BAIAP2: variants seen among roughly 807,000 people sequenced by gnomAD.
BAIAP2 encodes the protein BAR/IMD domain-containing adapter protein 2.
A neutral mutation model predicts 63.0 loss-of-function variants in BAIAP2; 18 were observed. That is an observed-to-expected ratio of 0.29 (90% CI 0.20 to 0.42). The LOEUF (loss-of-function observed/expected upper bound fraction) is 0.42, where lower values mean the gene tolerates loss of function less well. BAIAP2 is among the 10% of genes least tolerant of loss of function. The probability of loss-of-function intolerance (pLI) is 1.00; values close to 1 mark genes in which losing one functional copy is unlikely to be tolerated. For synonymous variants in BAIAP2, 386 were observed against 307.6 expected (o/e 1.25, Z -2.67); for missense variants, 610 against 734.3 (o/e 0.83, Z 1.96).
chr17:81,089,851 T>A (rs1376296049), intron 6 of BAIAP2, among the ~76,000 whole-genome samples: 3 of 151,836 alleles, frequency 2.0e-5, no homozygotes, highest in African/African-American at 7.3e-5. Flanking sequence ...TAGGTGGAGG[T>A]TGCAGTGGGT....
chr17:81,061,939 A>G (rs758195423), intron 3 of BAIAP2, among the ~76,000 whole-genome samples: 4 of 151,960 alleles, frequency 2.6e-5, no homozygotes, highest in Non-Finnish European at 5.9e-5. Context: ...TCCTTTTTGT[A>G]ATAGTGGTTT....
intron 1 of BAIAP2, chr17:81,036,922 A>C: frequency 6.5e-7 from 1 of 1,535,850 alleles, no homozygotes; most frequent in Middle Eastern, 1.7e-4. Flanking sequence ...CTGCGCTGAA[A>C]CCAGAAAGCA....
intron 7 of BAIAP2, among the ~76,000 whole-genome samples, chr17:81,102,485 A>G (rs1405336760): frequency 6.6e-6 from 1 of 152,022 alleles, no homozygotes; most frequent in Non-Finnish European, 1.5e-5. Context: ...CAGCTCTGTT[A>G]CTGCAATGTG....
At chr17:81,075,134 C>T (rs1225845705) in intron 3 of BAIAP2, among the ~76,000 whole-genome samples, 6 of 152,226 alleles carry the variant, frequency 3.9e-5, no homozygotes, top group Non-Finnish European at 1.5e-5. Flanking sequence ...ACAGAGCTGT[C>T]TCCAGCCACA....
intron 6 of BAIAP2, among the ~76,000 whole-genome samples, chr17:81,091,250 C>A (rs972258981): frequency 1.4e-4 from 20 of 147,262 alleles, no homozygotes; most frequent in African/African-American, 2.7e-4. Flanking sequence ...GCTTGCCTCG[C>A]GGGGTCTACT....
In BAIAP2 at chr17:81,117,177, GGAGAGGA is replaced by G. The variant is rs746769787; in HGVS notation, c.*1342_*1348del. ...CGGGGTGTGCCGAGGACAGTGGGGA[GGAGAGGA>G]GAGGGGCAGCTTCCTCCTGGCCCCA... On this transcript the variant is annotated 3_prime_UTR_variant, in exon 14 of 14. Transcript: ENST00000428708. 6 of 152,326 alleles carry G rather than the reference GGAGAGGA, an allele frequency of 3.9e-5. No homozygotes were observed. Among genetic ancestry groups the G allele is most frequent in the Admixed American group, 6.5e-5 (1 of 15,306 alleles). The allele number at this position is 152,326 out of a possible 1,614,324, so 9.4% of individuals were successfully genotyped here. A position where few individuals can be genotyped will look rare whatever the true frequency, so the allele number is the denominator to read the frequency against.
chr17:81,065,168 C>G (rs953324377), intron 3 of BAIAP2, among the ~76,000 whole-genome samples: 1 of 152,210 alleles, frequency 6.6e-6, no homozygotes, highest in Admixed American at 6.5e-5. Flanking sequence ...ACTGGAGTGG[C>G]CGGCTGGATC....
At chr17:81,076,464 G>A (rs2053678050) in intron 3 of BAIAP2, 1 of 152,200 alleles carries the variant, frequency 6.6e-6, no homozygotes. Context: ...GGCTGTGCTT[G>A]CCAGGAGACA....
In BAIAP2 at chr17:81,094,827, C is replaced by T. The variant is rs34479600; in HGVS notation, c.490-5101C>T. Among the ~76,000 whole-genome samples the T allele has an allele frequency of 3.7e-3, 563 of 152,336 alleles. 2 individuals are homozygous for T. The highest frequency in any genetic ancestry group is 5.4e-3 in the Non-Finnish European group (368 of 68,036). Reference sequence around the variant, plus strand: ...TGACCGGTCCGCAGCCGCATCCTTTCGAGTAAGTGTTACCCATGGTGACAG... The same window carrying T: ...TGACCGGTCCGCAGCCGCATCCTTTTGAGTAAGTGTTACCCATGGTGACAG... On this transcript the variant is annotated intron_variant, in intron 6 of 13. Transcript: ENST00000428708.
chr17:81,110,118 CCGCT>C, intron 13 of BAIAP2: 1 of 985,484 alleles, frequency 1.0e-6, no homozygotes, highest in Non-Finnish European at 1.2e-6. Context: ...CTCAGCCTGC[CCGCT>C]GGTGGGAGCC....
chr17:81,068,533 T>G (rs1232928959), intron 3 of BAIAP2, among the ~76,000 whole-genome samples: 1 of 152,206 alleles, frequency 6.6e-6, no homozygotes, highest in Non-Finnish European at 1.5e-5. Context: ...CCTGAATCCC[T>G]GACCCCAGGA....
intron 4 of BAIAP2, 119 bp from the exon 5 acceptor site, chr17:81,085,535 C>T (rs537054071): frequency 1.6e-5 from 13 of 824,866 alleles, no homozygotes; most frequent in African/African-American, 3.3e-5. Flanking sequence ...GGAGGGGGCC[C>T]CTCCTGCACA....
intron 12 of BAIAP2, chr17:81,108,201 T>C (rs1314105569): frequency 3.9e-6 from 2 of 510,382 alleles, no homozygotes; most frequent in Non-Finnish European, 6.9e-6. Flanking sequence ...CAGTCTTGCA[T>C]CTGTTTGGGA....
At chr17:81,101,999 G>A (rs961902258) in intron 7 of BAIAP2, among the ~76,000 whole-genome samples, 5 of 152,230 alleles carry the variant, frequency 3.3e-5, no homozygotes, top group African/African-American at 1.2e-4. Context: ...AGTGGCTGGG[G>A]TGCTGCCTGC....
Position 81,059,884 on chromosome 17 carries a change from T to G in BAIAP2, c.217+1917T>G, listed in dbSNP as rs184634976. Among the ~76,000 whole-genome samples the G allele has an allele frequency of 2.1e-3, 310 of 150,582 alleles. 1 individual carries two copies. The highest frequency in any genetic ancestry group is 7.1e-3 in the African/African-American group (291 of 41,126). ...GGCTCTTGTGGCCCACAGTGAGGGG[T>G]GGGTGGGTCCGAAATGGGTGGGATT... On this transcript the variant is annotated intron_variant, in intron 3 of 13. Coordinates refer to ENST00000428708, the MANE Select transcript of BAIAP2 (RefSeq NM_001144888.2).
chr17:81,072,502 C>T (rs1277456734), intron 3 of BAIAP2, among the ~76,000 whole-genome samples: 1 of 152,210 alleles, frequency 6.6e-6, no homozygotes, highest in African/African-American at 2.4e-5. Context: ...GCTCCAGGCC[C>T]CACTTGGGCC....
intron 3 of BAIAP2, among the ~76,000 whole-genome samples, chr17:81,066,844 T>C (rs962711344): frequency 6.6e-6 from 1 of 152,212 alleles, no homozygotes; most frequent in African/African-American, 2.4e-5. Flanking sequence ...AGCCTCCTCC[T>C]GCAGGTGGAG....
intron 1 of BAIAP2, among the ~76,000 whole-genome samples, chr17:81,045,005 A>G (rs559506261): frequency 2.8e-4 from 42 of 152,334 alleles, no homozygotes; most frequent in African/African-American, 9.9e-4. Flanking sequence ...AAGCTGGGAT[A>G]GGCAGGATGT....
chr17:81,103,692 C>T lies in BAIAP2; in HGVS notation c.833C>T (p.Pro278Leu), dbSNP rs2058777511. 2.6e-6 allele frequency: 4 copies of T among 1,536,306 alleles called. No individual in the cohort carries two copies. Among genetic ancestry groups the T allele is most frequent in the Non-Finnish European group, 3.5e-6 (4 of 1,135,632 alleles). ...CCCATTCCGGGGGCCAAGCCCCTGC[C>T]GGTGCCCCCCGAGCTGGCACCGTTC... Reference protein sequence around the residue: ...SDPIPGAKPLPVPPELAPFVG... With the variant: ...SDPIPGAKPLLVPPELAPFVG... The change falls in exon 8 of 14, where the codon CCG (proline) becomes CTG (leucine). Residue 278 changes from proline to leucine, a missense_variant. Pro to Leu is a moderately conservative substitution (Grantham distance 98). Around this residue, in one of 5 missense-constraint regions of BAIAP2, gnomAD observed 389 missense variants for 455.6 expected, o/e 0.85. Coordinates refer to ENST00000428708, the MANE Select transcript of BAIAP2 (RefSeq NM_001144888.2).
Sources: allele counts gnomAD v4.1 joint callset (sites outside exome capture counted in the v4.1 genomes callset), GRCh38; gene constraint gnomAD v4.1.1; regional missense constraint gnomAD v4.1.1; transcripts MANE v1.5; gene names NCBI Gene and HGNC (gene_info 2026-07-23, HGNC 2026-07-21).